The following SYNCRIP variants were observed in gnomAD, a reference collection of about 807,000 sequenced individuals.
SYNCRIP encodes synaptotagmin binding cytoplasmic RNA interacting protein.
Under a neutral mutation model 68.9 loss-of-function variants are expected in SYNCRIP, and 9 were observed. The observed-to-expected ratio is 0.13, with a 90% CI of 0.08 to 0.23. The LOEUF (loss-of-function observed/expected upper bound fraction) is 0.23, where lower values mean the gene tolerates loss of function less well. SYNCRIP is among the 10% of genes least tolerant of loss of function. SYNCRIP has a pLI of 1.00. For missense variants in SYNCRIP, 414 were observed against 770.6 expected (o/e 0.54, Z 5.48); for synonymous variants, 258 against 254.0 (o/e 1.02, Z -0.15).
At position 85,614,695 on chromosome 6, in the gene SYNCRIP, GA is replaced by G. The variant is rs1410585931; in HGVS notation, c.*60del. On this transcript the variant is annotated 3_prime_UTR_variant, in exon 11 of 11. Coordinates refer to ENST00000369622, the MANE Select transcript of SYNCRIP (RefSeq NM_006372.5). Reference sequence around the variant, plus strand: ...CACAAATTATAGCGGCACCCGTTCAGATTTAGGGTGAGTTTCTGATCAACCT... The same window carrying G: ...CACAAATTATAGCGGCACCCGTTCAGTTTAGGGTGAGTTTCTGATCAACCT... 1.5e-5 allele frequency: 22 copies of G among 1,504,686 alleles called. No homozygotes were observed. The highest frequency in any genetic ancestry group is 1.8e-5 in the Non-Finnish European group (20 of 1,128,306). The allele number at this position is 1,504,686 out of a possible 1,614,324, so 93.2% of individuals were successfully genotyped here.
chr6:85,608,164 G>A (rs1164409043), downstream of SYNCRIP: 1 of 152,000 alleles, frequency 6.6e-6, no homozygotes, highest in African/African-American at 2.4e-5. Flanking sequence ...TTGCAACTGA[G>A]GATATCTTGA....
At position 85,619,715 on chromosome 6, in the gene SYNCRIP, C is replaced by T. The variant is rs528483665; in HGVS notation, c.1009-298G>A. 3.7e-4 allele frequency among the ~76,000 whole-genome samples: 57 copies of T among 152,186 alleles called. No individual in the cohort carries two copies. In the South Asian group the frequency reaches 9.4e-3, roughly 25 times the overall value. On this transcript the variant is annotated intron_variant, in intron 8 of 10. Coordinates refer to ENST00000369622, the MANE Select transcript of SYNCRIP (RefSeq NM_006372.5). ...CCGCAAGTCAAAACTATTAGAATGG[C>T]CAAAATCCAACACACTATAAATGCA...
rs1196065220 is a variant in SYNCRIP, at chr6:85,621,119, T to C, written c.1008+1363A>G. 3.9e-5 allele frequency among the ~76,000 whole-genome samples: 6 copies of C among 152,206 alleles called. No individual in the cohort carries two copies. In the East Asian group the frequency reaches 1.2e-3, roughly 29 times the overall value. ...CTCCTAAAATAACTTGAATACCATC[T>C]GAATGTGTTAATCTAAAGTGCTAAC... On this transcript the variant is annotated intron_variant, in intron 8 of 10. Transcript: ENST00000369622.
At chr6:85,623,560 T>TC (rs146819700) in intron 7 of SYNCRIP, among the ~76,000 whole-genome samples, 21,609 of 42,672 alleles carry the variant, frequency 0.51, 3,595 homozygotes, top group East Asian at 0.61. Flanking sequence ...CAAGACTGTC[T>TC]CCAAAAAAAA....
At chr6:85,611,769 T>C (rs747878573), downstream of SYNCRIP, 4 of 152,554 alleles carry the variant, frequency 2.6e-5, no homozygotes, top group Admixed American at 6.5e-5. Flanking sequence ...TTCACATGTT[T>C]ACAGTGATCA....
intron 6 of SYNCRIP, among the ~76,000 whole-genome samples, chr6:85,635,774 C>A (rs1435210078): frequency 3.3e-4 from 26 of 78,924 alleles, no homozygotes; most frequent in East Asian, 1.2e-3. Context: ...TTCTATCTCC[C>A]AAAAAAAAAA....
intron 2 of SYNCRIP, 56 bp downstream of exon 2, chr6:85,641,236 G>C: frequency 6.7e-7 from 1 of 1,502,054 alleles, no homozygotes; most frequent in Non-Finnish European, 9.1e-7. Context: ...TTAGCTCAAA[G>C]CCAGAAATCC....
intron 6 of SYNCRIP, among the ~76,000 whole-genome samples, chr6:85,634,577 T>TA (rs1304722952): frequency 3.0e-5 from 4 of 132,658 alleles, no homozygotes; most frequent in Admixed American, 7.1e-5. Flanking sequence ...TACACTGGTG[T>TA]GTTGTTTTTT....
chr6:85,643,308 C>T (rs1406561247), upstream of SYNCRIP: 2 of 152,342 alleles, frequency 1.3e-5, no homozygotes, highest in Non-Finnish European at 2.9e-5. Context: ...CGGCTCCTCT[C>T]TTTCTCTCTC....
At chr6:85,617,199 A>G (rs1250610561) in intron 10 of SYNCRIP, among the ~76,000 whole-genome samples, 1 of 137,890 alleles carries the variant, frequency 7.3e-6, no homozygotes, top group African/African-American at 2.9e-5. Flanking sequence ...TTAAAACTTA[A>G]AAAAAAAAAA....
In SYNCRIP at chr6:85,642,139, G is replaced by A. The variant is rs1199528479; in HGVS notation, c.-13+658C>T. On this transcript the variant is annotated intron_variant, in intron 1 of 10. Transcript: ENST00000369622. ...CCCGAAGCCGCGGTCGGAGCCCCCA[G>A]AAAGCTGCAGCAGCACAATCTCTCC... Among the ~76,000 whole-genome samples the A allele has an allele frequency of 2.6e-5, 4 of 152,192 alleles. No individual in the cohort carries two copies. In the East Asian group the frequency reaches 5.8e-4, roughly 22 times the overall value.
chr6:85,634,576 G>T (rs1414437222), intron 6 of SYNCRIP, among the ~76,000 whole-genome samples: 1 of 136,226 alleles, frequency 7.3e-6, no homozygotes, highest in South Asian at 2.2e-4. Flanking sequence ...ATACACTGGT[G>T]TGTTGTTTTT....
At chr6:85,624,141 T>C (rs770691674) in intron 6 of SYNCRIP, 29 bp from the exon 7 acceptor site, 2 of 1,595,246 alleles carry the variant, frequency 1.3e-6, no homozygotes, top group Non-Finnish European at 1.7e-6. Flanking sequence ...CATCATGTTT[T>C]TAAATTACTT....
intron 6 of SYNCRIP, 93 bp from the exon 7 acceptor site, chr6:85,624,205 A>G (rs1225284186): frequency 9.3e-6 from 12 of 1,291,052 alleles, no homozygotes; most frequent in Non-Finnish European, 1.3e-5. Flanking sequence ...TCATCCTTTA[A>G]AAAGTAGTTT....
At position 85,641,559 on chromosome 6, in the gene SYNCRIP, T is replaced by A. The variant is rs1809155180; in HGVS notation, c.-12-108A>T. 5.4e-6 allele frequency: 6 copies of A among 1,102,036 alleles called. No individual in the cohort carries two copies. In the Admixed American group the frequency reaches 1.6e-4, roughly 30 times the overall value. The allele number at this position is 1,102,036 out of a possible 1,614,324, so 68.3% of individuals were successfully genotyped here. On this transcript the variant is annotated intron_variant, in intron 1 of 10. Coordinates refer to ENST00000369622, the MANE Select transcript of SYNCRIP (RefSeq NM_006372.5). ...CTACCATTTACTACACCAGCTAGCCTATACCTCCCTTTAAAAAAGCCTTAC... is the reference window on the plus strand; with the variant it reads ...CTACCATTTACTACACCAGCTAGCCAATACCTCCCTTTAAAAAAGCCTTAC...
At chr6:85,643,377 C>G (rs971652569), upstream of SYNCRIP, 1 of 152,584 alleles carries the variant, frequency 6.6e-6, no homozygotes, top group South Asian at 2.1e-4. Flanking sequence ...GGCTCCGCCC[C>G]CACGCCGCGC....
chr6:85,631,526 A>C lies in SYNCRIP; in HGVS notation c.666+5441T>G, dbSNP rs1284588066. On this transcript the variant is annotated intron_variant, in intron 6 of 10. Coordinates refer to ENST00000369622, the MANE Select transcript of SYNCRIP (RefSeq NM_006372.5). ...CCAAATATAAAGGGCAACAGAAGGC[A>C]GTGAGACTAGCTAAGTTTCTTCAGT... Among the ~76,000 whole-genome samples, 4 of 152,308 alleles carry C rather than the reference A, an allele frequency of 2.6e-5. No individual in the cohort carries two copies. In the Middle Eastern group the frequency reaches 0.01, roughly 389 times the overall value.
chr6:85,636,056 C>A (rs1471969564), intron 6 of SYNCRIP, among the ~76,000 whole-genome samples: 1 of 152,084 alleles, frequency 6.6e-6, no homozygotes, highest in East Asian at 1.9e-4. Flanking sequence ...AATTAGCCCC[C>A]AACTCTTCAA....
chr6:85,611,437 T>G (rs1313289238), downstream of SYNCRIP: 2 of 152,522 alleles, frequency 1.3e-5, no homozygotes, highest in African/African-American at 4.8e-5. Context: ...GGAACTGGTG[T>G]GTATAAAACC....
Sources: gnomAD v4.1 joint callset for allele counts (sites outside exome capture counted in the v4.1 genomes callset) on GRCh38, gnomAD v4.1.1 for gene constraint, MANE v1.5 for transcripts, NCBI Gene and HGNC (gene_info 2026-07-23, HGNC 2026-07-21) for gene names.